The following AKT3 variants were observed in gnomAD, a reference collection of about 807,000 sequenced individuals.
AKT3 encodes the protein RAC-gamma serine/threonine-protein kinase.
AKT3 carries 15 observed loss-of-function variants against 65.3 expected under a neutral mutation model. The ratio of observed to expected loss-of-function variants is 0.23; its 90% CI spans 0.15 to 0.35. The LOEUF is 0.35. AKT3 is among the 10% of genes least tolerant of loss of function. The pLI is 1.00. For synonymous variants in AKT3, 206 were observed against 183.8 expected, an observed-to-expected ratio of 1.12 and a Z score of -0.98; for missense variants, 243 against 576.5, an observed-to-expected ratio of 0.42 and a Z score of 5.92.
intron 2 of AKT3, among the ~76,000 whole-genome samples, chr1:243,699,154 G>A (rs906097606): frequency 3.3e-5 from 5 of 151,864 alleles, no homozygotes; most frequent in East Asian, 1.9e-4. Flanking sequence ...CTTTTAAGAC[G>A]GACTGCTAAA....
chr1:243,845,369 C>CG, intron 1 of AKT3, among the ~76,000 whole-genome samples: 1 of 9,726 alleles, frequency 1.0e-4, no homozygotes, highest in Admixed American at 1.1e-3. Flanking sequence ...TTTGGGAGGC[C>CG]AGGGCAGGAG....
intron 2 of AKT3, among the ~76,000 whole-genome samples, chr1:243,759,560 AT>A (rs1301348169): frequency 6.6e-6 from 1 of 151,976 alleles, no homozygotes; most frequent in African/African-American, 2.4e-5. Flanking sequence ...GAAAAAAAAA[AT>A]AAAAATTCAA....
At position 243,850,093 on chromosome 1, in the gene AKT3, A is replaced by C. The variant is rs550032366; in HGVS notation, c.-166T>G. The C allele has an allele frequency of 1.6e-4, 31 of 196,166 alleles. No individual in the cohort carries two copies. In the South Asian group the frequency reaches 4.4e-3, roughly 28 times the overall value. 12.2% of individuals were successfully genotyped at this position (196,166 alleles called of 1,614,324 possible). On this transcript the variant is annotated 5_prime_UTR_variant, in exon 1 of 14. Transcript: ENST00000673466. ...CCCGCAGCTGCTCGGGCGGCGGCGGAGGATGGAGCCGGGGGGGGGCGGGGG... is the reference window on the plus strand; with the variant it reads ...CCCGCAGCTGCTCGGGCGGCGGCGGCGGATGGAGCCGGGGGGGGGCGGGGG...
intron 2 of AKT3, chr1:243,735,660 T>A (rs1687800719): frequency 6.6e-6 from 1 of 152,192 alleles, no homozygotes; most frequent in Admixed American, 6.5e-5. Context: ...TCATCACCAG[T>A]CATTCTCATA....
In AKT3 at chr1:243,580,170, G is replaced by C. The variant is rs562280546; in HGVS notation, c.697-7122C>G. On this transcript the variant is annotated intron_variant, in intron 8 of 13. Transcript: ENST00000673466. Reference sequence around the variant, plus strand: ...GAAAACAGGAATCTACTGGAATCATGACGTACACTCCAGATCCCAGAGAGG... The same window carrying C: ...GAAAACAGGAATCTACTGGAATCATCACGTACACTCCAGATCCCAGAGAGG... 6.6e-5 allele frequency among the ~76,000 whole-genome samples: 10 copies of C among 152,308 alleles called. No homozygotes were observed. The East Asian group carries it at 1.9e-3, about 29-fold the overall frequency.
At chr1:243,769,827 A>C (rs949127400) in intron 2 of AKT3, among the ~76,000 whole-genome samples, 1 of 152,184 alleles carries the variant, frequency 6.6e-6, no homozygotes, top group East Asian at 1.9e-4. Context: ...ATTTTGATGA[A>C]GTATACTTTC....
At chr1:243,738,299 G>A (rs1687954131) in intron 2 of AKT3, among the ~76,000 whole-genome samples, 1 of 152,148 alleles carries the variant, frequency 6.6e-6, no homozygotes, top group Admixed American at 6.5e-5. Flanking sequence ...AGACCCTGTT[G>A]TCTAACAAGC....
intron 2 of AKT3, among the ~76,000 whole-genome samples, chr1:243,705,097 A>G (rs979185828): frequency 1.3e-5 from 2 of 152,206 alleles, no homozygotes; most frequent in Admixed American, 6.5e-5. Flanking sequence ...TTTGAAAAGT[A>G]TATTATAGTC....
intron 2 of AKT3, among the ~76,000 whole-genome samples, chr1:243,833,763 C>G (rs1410100999): frequency 1.3e-5 from 2 of 151,248 alleles, no homozygotes; most frequent in African/African-American, 4.9e-5. Flanking sequence ...AAAAATCCTT[C>G]AAAAATGAAG....
At chr1:243,580,462 T>G (rs1412559788) in intron 8 of AKT3, among the ~76,000 whole-genome samples, 1 of 152,154 alleles carries the variant, frequency 6.6e-6, no homozygotes, top group East Asian at 1.9e-4. Flanking sequence ...TTTGGGCACA[T>G]AAAAACTCAG....
At chr1:243,538,826 T>C (rs1402479289) in intron 12 of AKT3, among the ~76,000 whole-genome samples, 1 of 147,050 alleles carries the variant, frequency 6.8e-6, no homozygotes, top group Non-Finnish European at 1.5e-5. Flanking sequence ...CAAGACCCCA[T>C]CTCTTAAAAA....
In AKT3 at chr1:243,667,683, T is replaced by C. The variant is rs1682892162; in HGVS notation, c.173-2800A>G. On this transcript the variant is annotated intron_variant, in intron 3 of 13. Transcript: ENST00000673466. ...GCCAGAAATCTTCTTAAAATGAAGA[T>C]CTGCAAAAAAGTTCTGCAGTGTTTC... is the stretch of plus-strand genomic sequence containing the variant. 3.9e-5 allele frequency among the ~76,000 whole-genome samples: 6 copies of C among 152,174 alleles called. No individual in the cohort carries two copies. In the South Asian group the frequency reaches 8.3e-4, roughly 21 times the overall value.
At chr1:243,629,509 T>C (rs566740201) in intron 6 of AKT3, among the ~76,000 whole-genome samples, 26 of 152,032 alleles carry the variant, frequency 1.7e-4, no homozygotes, top group South Asian at 8.3e-4. Flanking sequence ...ATGGGAGATA[T>C]TGGCCGGGCA....
intron 6 of AKT3, chr1:243,624,814 T>G (rs1308391113): frequency 4.8e-6 from 1 of 208,246 alleles, no homozygotes; most frequent in Non-Finnish European, 1.1e-5. Flanking sequence ...AACAACAAAC[T>G]TGCAGTTTCT....
chr1:243,747,875 C>T (rs1046347723), intron 2 of AKT3, among the ~76,000 whole-genome samples: 6 of 152,108 alleles, frequency 3.9e-5, no homozygotes, highest in Middle Eastern at 3.2e-3. Context: ...TAACAAGGAT[C>T]GGTAAGAGTC....
chr1:243,642,485 A>AT (rs1383936501), intron 5 of AKT3, among the ~76,000 whole-genome samples: 1 of 151,948 alleles, frequency 6.6e-6, no homozygotes, highest in Non-Finnish European at 1.5e-5. Flanking sequence ...AATTTTTTGT[A>AT]TTTTTAGTAG....
Position 243,545,400 on chromosome 1 carries a change from G to C in AKT3, c.1251+110C>G, listed in dbSNP as rs1489856195. On this transcript the variant is annotated intron_variant, in intron 12 of 13. Transcript: ENST00000673466. ...TAATCACTTAAATGTCGGTAAAATG[G>C]AAAGTATCATTACATCATTAACTTT... 6.9e-6 allele frequency: 4 copies of C among 580,286 alleles called. No individual in the cohort carries two copies. The South Asian group carries it at 9.8e-5, about 14-fold the overall frequency. The allele number at this position is 580,286 out of a possible 1,614,324, so 35.9% of individuals were successfully genotyped here. A position where few individuals can be genotyped will look rare whatever the true frequency, so the allele number is the denominator to read the frequency against.
intron 2 of AKT3, among the ~76,000 whole-genome samples, chr1:243,741,958 C>T (rs1688176714): frequency 6.6e-6 from 1 of 151,036 alleles, no homozygotes. Flanking sequence ...AAAAAAATAC[C>T]TGTAAACTAC....
chr1:243,645,128 A>G (rs549820481), intron 5 of AKT3, among the ~76,000 whole-genome samples: 2 of 152,306 alleles, frequency 1.3e-5, no homozygotes, highest in African/African-American at 2.4e-5. Context: ...GTTCTTAATC[A>G]CTGTGCTAAT....
Sources: gnomAD v4.1 joint callset for allele counts (sites outside exome capture counted in the v4.1 genomes callset) on GRCh38, gnomAD v4.1.1 for gene constraint, MANE v1.5 for transcripts, NCBI Gene and HGNC (gene_info 2026-07-23, HGNC 2026-07-21) for gene names.